RSF1: variants seen among roughly 807,000 people sequenced by gnomAD.
The protein encoded by RSF1 is HBV pX-associated protein 8.
RSF1 carries 13 observed loss-of-function variants against 145.2 expected under a neutral mutation model. The ratio of observed to expected loss-of-function variants is 0.09; its 90% CI spans 0.06 to 0.14. The LOEUF is 0.14. RSF1 is among the 10% of genes least tolerant of loss of function. The pLI is 1.00. For missense variants in RSF1, 1,517 were observed against 1,718.2 expected (o/e 0.88, Z 2.07); for synonymous variants, 577 against 592.6 (o/e 0.97, Z 0.38).
intron 1 of RSF1, among the ~76,000 whole-genome samples, chr11:77,787,423 A>G (rs1237120575): frequency 1.3e-5 from 2 of 152,180 alleles, no homozygotes; most frequent in Non-Finnish European, 2.9e-5. Context: ...AAACTACATA[A>G]AATTTAAATT....
chr11:77,683,780 C>T lies in RSF1; in HGVS notation c.2995G>A (p.Asp999Asn). The T allele has an allele frequency of 1.2e-6, 2 of 1,612,648 alleles. No individual in the cohort carries two copies. Among genetic ancestry groups the T allele is most frequent in the Non-Finnish European group, 1.7e-6 (2 of 1,179,806 alleles). ...AAGTTTGCTTTGGATTTTTTTGAAT[C>T]TTTTTTCTTTTCTTCTTGATCTTCA... ...FSEDQEEKKK[D>N]SKKSKANLLE... The change falls in exon 11 of 16, where the codon GAT becomes AAT. Residue 999 changes from aspartate (D) to asparagine (N), a missense_variant. By Grantham distance (23) the Asp-to-Asn change is conservative. Coordinates refer to ENST00000308488, the MANE Select transcript of RSF1 (RefSeq NM_016578.4).
chr11:77,736,498 A>G (rs991211382), intron 4 of RSF1, among the ~76,000 whole-genome samples: 3 of 152,216 alleles, frequency 2.0e-5, no homozygotes, highest in African/African-American at 7.2e-5. Flanking sequence ...TTTAGGCACT[A>G]AATATATATT....
chr11:77,797,212 G>C (rs761405136), intron 1 of RSF1, among the ~76,000 whole-genome samples: 14 of 152,042 alleles, frequency 9.2e-5, no homozygotes, highest in Admixed American at 9.2e-4. Flanking sequence ...AGACAATCCT[G>C]GGCAAGAAGA....
chr11:77,813,116 T>C (rs780542356), intron 1 of RSF1, among the ~76,000 whole-genome samples: 16 of 152,102 alleles, frequency 1.1e-4, no homozygotes, highest in Non-Finnish European at 2.1e-4. Flanking sequence ...GCACAAATTA[T>C]GAAATAATTT....
At chr11:77,776,647 G>A (rs1948345321) in intron 1 of RSF1, among the ~76,000 whole-genome samples, 1 of 152,156 alleles carries the variant, frequency 6.6e-6, no homozygotes, top group Non-Finnish European at 1.5e-5. Context: ...CCAGCAGATG[G>A]TGATCATGTC....
intron 1 of RSF1, among the ~76,000 whole-genome samples, chr11:77,804,995 C>T (rs1192030060): frequency 6.6e-6 from 1 of 152,174 alleles, no homozygotes; most frequent in Non-Finnish European, 1.5e-5. Flanking sequence ...ACTAAATCCA[C>T]ACTATATATT....
chr11:77,767,983 A>G (rs1050817687), intron 1 of RSF1, among the ~76,000 whole-genome samples: 2 of 152,206 alleles, frequency 1.3e-5, no homozygotes, highest in East Asian at 1.9e-4. Flanking sequence ...GTATTACTTG[A>G]TTTAAAAGAG....
intron 4 of RSF1, among the ~76,000 whole-genome samples, chr11:77,727,605 T>TAATC (rs1961089625): frequency 6.6e-6 from 1 of 151,268 alleles, no homozygotes; most frequent in African/African-American, 2.4e-5. Flanking sequence ...GACTCCCGAG[T>TAATC]AGCTGGGATT....
the RSF1 span, among the ~76,000 whole-genome samples, chr11:77,870,751 G>C: frequency 1.3e-5 from 2 of 152,168 alleles, no homozygotes; most frequent in African/African-American, 4.8e-5. Context: ...CTTCACATTT[G>C]ATGTATATTT....
the RSF1 span, chr11:77,841,254 A>C: frequency 1.4e-6 from 1 of 702,390 alleles, no homozygotes; most frequent in Non-Finnish European, 2.6e-6. Context: ...TTATAATGGC[A>C]GTTAAATTTA....
the RSF1 span, among the ~76,000 whole-genome samples, chr11:77,848,337 T>C: frequency 3.3e-5 from 5 of 152,136 alleles, no homozygotes; most frequent in African/African-American, 1.2e-4. Flanking sequence ...CATAAGACCA[T>C]ATGAGTTAAT....
At chr11:77,850,666 T>C in the RSF1 span, 4 of 152,130 alleles carry the variant, frequency 2.6e-5, no homozygotes, top group Non-Finnish European at 5.9e-5. Flanking sequence ...ACCTACAGAA[T>C]AGTTATGTGA....
chr11:77,691,969 C>T (rs570742793), intron 8 of RSF1, among the ~76,000 whole-genome samples: 1 of 152,318 alleles, frequency 6.6e-6, no homozygotes, highest in South Asian at 2.1e-4. Flanking sequence ...TGGCTTACCG[C>T]AACCTCTGTC....
chr11:77,766,665 A>T (rs1223288201), intron 1 of RSF1, among the ~76,000 whole-genome samples: 1 of 152,188 alleles, frequency 6.6e-6, no homozygotes, highest in Non-Finnish European at 1.5e-5. Flanking sequence ...CAAAAAGAAC[A>T]TGGAACTGGA....
chr11:77,660,320 C>T lies in RSF1; in HGVS notation c.*6597G>A, dbSNP rs1463190353. 1 of 152,208 alleles carries T rather than the reference C, an allele frequency of 6.6e-6. No homozygotes were observed. The highest frequency in any genetic ancestry group is 1.5e-5 in the Non-Finnish European group (1 of 68,030). 9.4% of individuals were successfully genotyped at this position (152,208 alleles called of 1,614,324 possible). On this transcript the variant is annotated 3_prime_UTR_variant, in exon 16 of 16. Coordinates refer to ENST00000308488, the MANE Select transcript of RSF1 (RefSeq NM_016578.4). ...CATACACTGAAGTTAACCCCTGAAG[C>T]TTTAAGCTACCAAGAATTCCCATAC... is the stretch of plus-strand genomic sequence containing the variant.
intron 1 of RSF1, among the ~76,000 whole-genome samples, chr11:77,797,853 T>C (rs568230694): frequency 6.6e-6 from 1 of 152,242 alleles, no homozygotes; most frequent in African/African-American, 2.4e-5. Context: ...GCAAGGGATA[T>C]GAACAGACAC....
At chr11:77,712,246 T>C (rs1182704876) in intron 5 of RSF1, among the ~76,000 whole-genome samples, 3 of 152,128 alleles carry the variant, frequency 2.0e-5, no homozygotes, top group South Asian at 2.1e-4. Context: ...TCTCAGGAGA[T>C]GTGATGGTTT....
intron 9 of RSF1, 29 bp from the exon 10 acceptor site, chr11:77,685,188 G>T (rs1959970606): frequency 2.2e-6 from 3 of 1,354,390 alleles, no homozygotes; most frequent in Admixed American, 2.2e-5. Flanking sequence ...CAAAATACAT[G>T]AGATTTGCAG....
At chr11:77,795,918 A>G (rs1590892007) in intron 1 of RSF1, among the ~76,000 whole-genome samples, 2 of 152,092 alleles carry the variant, frequency 1.3e-5, no homozygotes, top group Non-Finnish European at 2.9e-5. Context: ...TTCCTCAGGG[A>G]TTCGACTTTT....
Sources: allele counts gnomAD v4.1 joint callset (sites outside exome capture counted in the v4.1 genomes callset), GRCh38; gene constraint gnomAD v4.1.1; transcripts MANE v1.5; gene names NCBI Gene and HGNC (gene_info 2026-07-23, HGNC 2026-07-21).